SETX: variants seen among roughly 807,000 people sequenced by gnomAD.
SETX encodes senataxin.
Under a neutral mutation model 227.2 loss-of-function variants are expected in SETX, and 90 were observed. The observed-to-expected ratio is 0.40, with a 90% confidence interval of 0.33 to 0.47. SETX has a LOEUF of 0.47. SETX is among the 20% of genes least tolerant of loss of function. SETX has a pLI of 0.91. For synonymous variants in SETX, 1,210 were observed against 1,113.2 expected, an observed-to-expected ratio of 1.09 and a Z score of -1.73; for missense variants, 3,052 against 3,181.5, an observed-to-expected ratio of 0.96 and a Z score of 0.98.
chr9:132,349,132 A>C lies in SETX; in HGVS notation c.177+120T>G, dbSNP rs374185424. ...AACAAAAACAAAACAAAAACAAAAA[A>C]AAAAACCCACAAAGTTGAAATCGTA... is the stretch of plus-strand genomic sequence containing the variant. On this transcript the variant is annotated intron_variant, in intron 3 of 25. Transcript: ENST00000224140. 4.9e-4 allele frequency: 522 copies of C among 1,069,528 alleles called. 9 individuals are homozygous for C. The highest frequency in any genetic ancestry group is 2.7e-3 in the South Asian group (189 of 69,994). 66.3% of individuals were successfully genotyped at this position (1,069,528 alleles called of 1,614,324 possible).
chr9:132,327,989 T>C lies in SETX; in HGVS notation c.3609A>G (p.Arg1203=). The C allele has an allele frequency of 6.2e-7, 1 of 1,613,788 alleles. No individual in the cohort carries two copies. Among genetic ancestry groups the C allele is most frequent in the East Asian group, 2.2e-5 (1 of 44,882 alleles). ...TACGTGAATTGGGAGTTGAAGTCCTTCTATCAATACTTTTAAAATCATTTC... is the reference window on the plus strand; with the variant it reads ...TACGTGAATTGGGAGTTGAAGTCCTCCTATCAATACTTTTAAAATCATTTC... ...LVGNDFKSID[R]RTSTPNSRIQ... is the part of the protein sequence containing the mutation. The change falls in exon 10 of 26, where the codon AGA becomes AGG. Residue 1203 remains arginine (R), a synonymous_variant. Transcript: ENST00000224140.
At chr9:132,314,208 T>TCAG (rs1407736460) in intron 10 of SETX, among the ~76,000 whole-genome samples, 3 of 152,194 alleles carry the variant, frequency 2.0e-5, no homozygotes, top group African/African-American at 7.2e-5. Context: ...TTCTCCTGCC[T>TCAG]CAGCCTCCCA....
Position 132,326,466 on chromosome 9 carries a change from T to G in SETX, c.5132A>C (p.Glu1711Ala). ...FVKEVLKWKY[E>A]MFLNFGQCGP... The stretch of plus-strand genomic sequence containing the variant: ...ACACTGACCAAAGTTCAAAAACATT[T>G]CATATTTCCATTTTAAGACCTCTTT... Residue 1711 changes from glutamate to alanine, a missense_variant, in exon 10 of 26, where the codon GAA becomes GCA. By Grantham distance (107) the Glu-to-Ala change is moderately radical. Coordinates refer to ENST00000224140, the MANE Select transcript of SETX (RefSeq NM_015046.7). 6.2e-7 allele frequency: 1 copy of G among 1,614,262 alleles called. No individual in the cohort carries two copies.
rs114443943 is a variant in SETX, at chr9:132,332,688, G to A, written c.839-1240C>T. 5.1e-3 allele frequency among the ~76,000 whole-genome samples: 772 copies of A among 152,116 alleles called. 9 individuals are homozygous for A. The highest frequency in any genetic ancestry group is 0.017 in the African/African-American group (715 of 41,512). On this transcript the variant is annotated intron_variant, in intron 7 of 25. Coordinates refer to ENST00000224140, the MANE Select transcript of SETX (RefSeq NM_015046.7). The stretch of plus-strand genomic sequence containing the variant: ...GTAAATCCCAACACTTTGGGAGGCC[G>A]AGGCAGGAGGACTGCTTGAGGTCAG...
chr9:132,295,835 A>C, intron 15 of SETX, 37 bp downstream of exon 15: 1 of 1,595,242 alleles, frequency 6.3e-7, no homozygotes. Context: ...TAACACTGAA[A>C]ACAAAAACAA....
At chr9:132,315,109 C>T (rs1811296137) in intron 10 of SETX, among the ~76,000 whole-genome samples, 2 of 151,970 alleles carry the variant, frequency 1.3e-5, no homozygotes. Context: ...GACAGGGTTT[C>T]ACCAAAGTTG....
At chr9:132,336,652 A>C (rs1336857615) in intron 5 of SETX, 137 bp from the exon 6 acceptor site, 1 of 715,006 alleles carries the variant, frequency 1.4e-6, no homozygotes, top group African/African-American at 1.8e-5. Context: ...TGTGGACCTT[A>C]TTTGATCCTG....
intron 2 of SETX, among the ~76,000 whole-genome samples, chr9:132,349,696 G>T (rs1848505426): frequency 6.6e-6 from 1 of 152,230 alleles, no homozygotes; most frequent in South Asian, 2.1e-4. Context: ...TTGTGCTACA[G>T]AGAAGGCTCA....
chr9:132,298,060 TATC>T lies in SETX; in HGVS notation c.5781+17_5781+19del. On this transcript the variant is annotated intron_variant, in intron 13 of 25. Transcript: ENST00000224140. ...AACATCTTAACATGAAATTATCTAG[TATC>T]ATACATCATCACTCACAATTCTCTC... 6.5e-7 allele frequency: 1 copy of T among 1,547,772 alleles called. No individual in the cohort carries two copies. The highest frequency in any genetic ancestry group is 1.1e-5 in the South Asian group (1 of 89,170).
intron 5 of SETX, among the ~76,000 whole-genome samples, chr9:132,338,336 C>T (rs56301418): frequency 0.022 from 3,317 of 152,164 alleles, 38 homozygotes; most frequent in South Asian, 0.041. Context: ...CATGATCCAC[C>T]CACCTCGGCC....
At chr9:132,348,373 C>CAAAAAAAAAAAAAAAA (rs11376483) in intron 3 of SETX, among the ~76,000 whole-genome samples, 1 of 122,442 alleles carries the variant, frequency 8.2e-6, no homozygotes, top group Non-Finnish European at 1.6e-5. Context: ...AAAAAAAAAA[C>CAAAAAAAAAAAAAAAA]AAAACAAAAA....
chr9:132,281,178 C>T (rs1311640526), intron 20 of SETX, among the ~76,000 whole-genome samples: 1 of 152,164 alleles, frequency 6.6e-6, no homozygotes, highest in Non-Finnish European at 1.5e-5. Context: ...AAAAGGCAGA[C>T]ATGCACACTG....
At chr9:132,280,898 T>C (rs567930319) in intron 20 of SETX, among the ~76,000 whole-genome samples, 20 of 152,246 alleles carry the variant, frequency 1.3e-4, no homozygotes, top group African/African-American at 4.3e-4. Flanking sequence ...AGTCAGAGCT[T>C]GTAATTGAGT....
At chr9:132,284,769 T>C (rs111924632) in intron 18 of SETX, among the ~76,000 whole-genome samples, 3 of 152,254 alleles carry the variant, frequency 2.0e-5, no homozygotes, top group African/African-American at 7.2e-5. Flanking sequence ...ATCACTCTAC[T>C]TCTATCCAGG....
At chr9:132,279,934 C>T (rs1843402062) in intron 20 of SETX, among the ~76,000 whole-genome samples, 3 of 152,122 alleles carry the variant, frequency 2.0e-5, no homozygotes, top group African/African-American at 7.2e-5. Context: ...CGTACATATA[C>T]ACATAAACAT....
rs1238040405 is a variant in SETX, at chr9:132,354,909, A to C, written c.-115+8T>G. The C allele has an allele frequency of 6.6e-6, 1 of 152,288 alleles. No individual in the cohort carries two copies. The highest frequency in any genetic ancestry group is 2.4e-5 in the African/African-American group (1 of 41,336). The allele number at this position is 152,288 out of a possible 1,614,324, so 9.4% of individuals were successfully genotyped here. A position where few individuals can be genotyped will look rare whatever the true frequency, so the allele number is the denominator to read the frequency against. On this transcript the variant is annotated splice_region_variant and intron_variant, in intron 1 of 25. Transcript: ENST00000224140. Reference sequence around the variant, plus strand: ...GACCTACGGCCTCCAGCCCGCCGCTACCCTCACCGCTCTCTGGCTGGCGTC... The same window carrying C: ...GACCTACGGCCTCCAGCCCGCCGCTCCCCTCACCGCTCTCTGGCTGGCGTC...
At chr9:132,309,700 G>A (rs1037078992) in intron 11 of SETX, among the ~76,000 whole-genome samples, 61 of 152,048 alleles carry the variant, frequency 4.0e-4, no homozygotes, top group African/African-American at 1.4e-3. Flanking sequence ...AAAAAAAAAG[G>A]GGGAACATAA....
Position 132,328,610 on chromosome 9 carries a change from T to C in SETX, c.2988A>G (p.Arg996=), listed in dbSNP as rs1358681495. The C allele has an allele frequency of 6.2e-7, 1 of 1,613,592 alleles. No individual in the cohort carries two copies. The highest frequency in any genetic ancestry group is 2.2e-5 in the East Asian group (1 of 44,876). The change falls in exon 10 of 26, where the codon AGA becomes AGG. Residue 996 remains arginine (R), a synonymous_variant. Transcript: ENST00000224140. ...CATTATTTTGGTTAGCTGTGAAACA[T>C]CTTTTATCTTCTTTTACTTTCCTTT... ...QLQRKVKEDK[R]CFTANQNNVG...
Position 132,329,683 on chromosome 9 carries a change from C to G in SETX, c.1915G>C (p.Glu639Gln). 1 of 1,613,976 alleles carries G rather than the reference C, an allele frequency of 6.2e-7. No individual in the cohort carries two copies. Among genetic ancestry groups the G allele is most frequent in the Non-Finnish European group, 8.5e-7 (1 of 1,179,980 alleles). The part of the protein sequence containing the change: ...KTSRKDMHCL[E>Q]ASSPTFSKEP... ...TTAGAAAATGTTGGGCTGGAAGCTT[C>G]CAAACAATGCATATCTTTTCTAGAC... is the stretch of plus-strand genomic sequence containing the variant. The change falls in exon 10 of 26, where the codon GAA (glutamate) becomes CAA (glutamine). Residue 639 changes from glutamate to glutamine, a missense_variant. By Grantham distance (29) the Glu-to-Gln change is conservative. Transcript: ENST00000224140.
Sources: allele counts gnomAD v4.1 joint callset (sites outside exome capture counted in the v4.1 genomes callset), GRCh38; gene constraint gnomAD v4.1.1; transcripts MANE v1.5; gene names NCBI Gene and HGNC (gene_info 2026-07-23, HGNC 2026-07-21).